The following CTNNA3 variants were observed in gnomAD, a reference collection of about 807,000 sequenced individuals.
CTNNA3 encodes catenin alpha 3, also known as catenin alpha-3.
CTNNA3 carries 76 observed loss-of-function variants against 95.7 expected under a neutral mutation model. That is an observed-to-expected ratio of 0.79 (90% CI 0.66 to 0.96). The LOEUF is 0.96. CTNNA3 is among the 40% of genes least tolerant of loss of function. CTNNA3 has a pLI of 0.00. For synonymous variants in CTNNA3, 431 were observed against 374.4 expected, an observed-to-expected ratio of 1.15 and a Z score of -1.74; for missense variants, 1,191 against 1,089.8, an observed-to-expected ratio of 1.09 and a Z score of -1.31.
rs1414640164 is a variant in CTNNA3, at chr10:66,162,872, G to C, written c.1885-59623C>G. ...ATGTCTGAGCTCATACTCTCCTTGG[G>C]CGGGTCTTGCTGCAGCTGCTGTGGG... On this transcript the variant is annotated intron_variant, in intron 13 of 17. Transcript: ENST00000433211. 1.3e-5 allele frequency among the ~76,000 whole-genome samples: 2 copies of C among 151,474 alleles called. 1 individual carries two copies. The highest frequency in any genetic ancestry group is 4.2e-4 in the South Asian group (2 of 4,770).
At chr10:67,080,600 T>C (rs1014707781) in intron 7 of CTNNA3, among the ~76,000 whole-genome samples, 2 of 152,126 alleles carry the variant, frequency 1.3e-5, no homozygotes, top group Non-Finnish European at 2.9e-5. Context: ...CATCATCTTA[T>C]AGATGTGCAT....
rs1379729069 is a variant in CTNNA3 at position 66,029,710 on chromosome 10, G to A, written c.2159+39598C>T. On this transcript the variant is annotated intron_variant, in intron 15 of 17. Transcript: ENST00000433211. ...TGGGATATAAGCTTCAGGAGGTCAG[G>A]AACATTTGTAGTTTTCACTCATTAT... is the stretch of plus-strand genomic sequence containing the variant. Among the ~76,000 whole-genome samples, 5 of 152,108 alleles carry A rather than the reference G, an allele frequency of 3.3e-5. No homozygotes were observed. In the East Asian group the frequency reaches 9.6e-4, roughly 29 times the overall value.
At chr10:66,903,418 A>G (rs944019292) in intron 7 of CTNNA3, among the ~76,000 whole-genome samples, 16 of 152,208 alleles carry the variant, frequency 1.1e-4, no homozygotes, top group African/African-American at 3.4e-4. Flanking sequence ...CACAGCCAAT[A>G]TCATACCGAA....
intron 3 of CTNNA3, among the ~76,000 whole-genome samples, chr10:67,556,332 C>T (rs528601448): frequency 1.8e-4 from 28 of 152,126 alleles, no homozygotes; most frequent in Non-Finnish European, 3.5e-4. Flanking sequence ...AGGAATAGTA[C>T]CAGCTCCTTT....
At chr10:65,969,589 A>G (rs1399078860) in intron 16 of CTNNA3, among the ~76,000 whole-genome samples, 1 of 152,202 alleles carries the variant, frequency 6.6e-6, no homozygotes, top group African/African-American at 2.4e-5. Context: ...TCAATCAGAG[A>G]TTCTGGAATT....
chr10:66,588,158 T>C (rs753384863), intron 10 of CTNNA3, among the ~76,000 whole-genome samples: 7 of 151,982 alleles, frequency 4.6e-5, no homozygotes, highest in African/African-American at 7.2e-5. Flanking sequence ...CTAAATCAGC[T>C]CCAGCACTGG....
At chr10:66,724,072 T>C (rs12781749) in intron 9 of CTNNA3, among the ~76,000 whole-genome samples, 3,548 of 152,076 alleles carry the variant, frequency 0.023, 178 homozygotes, top group East Asian at 0.22. Flanking sequence ...TTTCCTCTAG[T>C]CAAGAATGTT....
In CTNNA3 at chr10:66,610,246, G is replaced by T. The variant is rs148910724; in HGVS notation, c.1374+11446C>A. Among the ~76,000 whole-genome samples, 4 of 112,554 alleles carry T rather than the reference G, an allele frequency of 3.6e-5. No homozygotes were observed. In the Admixed American group the frequency reaches 3.7e-4, roughly 10 times the overall value. 73.8% of individuals were successfully genotyped at this position (112,554 alleles called of 152,430 possible). The stretch of plus-strand genomic sequence containing the variant: ...AGTTTTTGTGTAAAAATACCCATGG[G>T]GGGGCTATGTTCCTGGAGCAATGCT... On this transcript the variant is annotated intron_variant, in intron 10 of 17. Transcript: ENST00000433211.
At chr10:67,197,053 T>C (rs1863406636) in intron 6 of CTNNA3, among the ~76,000 whole-genome samples, 1 of 152,092 alleles carries the variant, frequency 6.6e-6, no homozygotes, top group African/African-American at 2.4e-5. Flanking sequence ...AAGATTGTCA[T>C]TAAAACTAAA....
At chr10:66,457,916 T>A (rs1177676271) in intron 11 of CTNNA3, among the ~76,000 whole-genome samples, 1 of 152,148 alleles carries the variant, frequency 6.6e-6, no homozygotes, top group African/African-American at 2.4e-5. Context: ...GATGAGTAAC[T>A]GTCTCATGGC....
At chr10:66,790,347 A>C (rs1307772684) in intron 7 of CTNNA3, among the ~76,000 whole-genome samples, 1 of 151,902 alleles carries the variant, frequency 6.6e-6, no homozygotes, top group Non-Finnish European at 1.5e-5. Context: ...TACTCGGGAG[A>C]CTGAGGAAGG....
chr10:67,137,530 GA>G, intron 7 of CTNNA3, among the ~76,000 whole-genome samples: 1 of 152,248 alleles, frequency 6.6e-6, no homozygotes, highest in East Asian at 1.9e-4. Flanking sequence ...ATGCAAGTCA[GA>G]AAAAGTTTTA....
intron 7 of CTNNA3, among the ~76,000 whole-genome samples, chr10:66,841,829 A>T (rs1344920682): frequency 6.6e-6 from 1 of 152,232 alleles, no homozygotes; most frequent in Admixed American, 6.5e-5. Context: ...ACACAAACAA[A>T]TATAAAGTAT....
At chr10:66,308,045 T>A (rs1320882818) in intron 12 of CTNNA3, among the ~76,000 whole-genome samples, 6 of 152,112 alleles carry the variant, frequency 3.9e-5, no homozygotes, top group African/African-American at 4.8e-5. Context: ...GGGTTTTCAC[T>A]GAAGCATCAT....
chr10:67,184,342 A>G (rs1261985960), intron 6 of CTNNA3, among the ~76,000 whole-genome samples: 1 of 152,172 alleles, frequency 6.6e-6, no homozygotes, highest in African/African-American at 2.4e-5. Flanking sequence ...TCGTAGTGGT[A>G]AAGCCATGTT....
At chr10:66,021,506 T>C (rs927423376) in intron 15 of CTNNA3, among the ~76,000 whole-genome samples, 1 of 152,120 alleles carries the variant, frequency 6.6e-6, no homozygotes, top group Non-Finnish European at 1.5e-5. Flanking sequence ...TATTTGTAAA[T>C]AGCAATATGT....
intron 5 of CTNNA3, among the ~76,000 whole-genome samples, chr10:67,486,340 T>C (rs1339547584): frequency 6.6e-6 from 1 of 151,264 alleles, no homozygotes; most frequent in Non-Finnish European, 1.5e-5. Flanking sequence ...ACTATATGGG[T>C]TCATGACCCT....
intron 5 of CTNNA3, among the ~76,000 whole-genome samples, chr10:67,257,276 G>A (rs1866393129): frequency 6.6e-6 from 1 of 151,978 alleles, no homozygotes; most frequent in African/African-American, 2.4e-5. Flanking sequence ...TAAAGACAGG[G>A]TTTGTGATTT....
At chr10:66,555,783 T>C (rs1051309086) in intron 10 of CTNNA3, among the ~76,000 whole-genome samples, 1 of 151,986 alleles carries the variant, frequency 6.6e-6, no homozygotes, top group African/African-American at 2.4e-5. Context: ...AAAAATTACA[T>C]CAAGAAGCTT....
Sources: allele counts gnomAD v4.1 joint callset (sites outside exome capture counted in the v4.1 genomes callset), GRCh38; gene constraint gnomAD v4.1.1; transcripts MANE v1.5; gene names NCBI Gene and HGNC (gene_info 2026-07-23, HGNC 2026-07-21).